Variants in PLEKHA7 observed in about 807,000 individuals in gnomAD.
The protein encoded by PLEKHA7 is pleckstrin homology domain containing A7, also known as pleckstrin homology domain-containing family A member 7.
In PLEKHA7, 104 loss-of-function variants were observed where a neutral mutation model predicts 170.0. That is an observed-to-expected ratio of 0.61 (90% confidence interval 0.52 to 0.72). PLEKHA7 has a LOEUF of 0.72. Among genes scored for constraint, PLEKHA7 ranks in the 30% least tolerant of loss-of-function variants. The pLI, the probability that PLEKHA7 is intolerant of heterozygous loss-of-function variation, is 0.00. For synonymous variants in PLEKHA7, 648 were observed against 660.8 expected (o/e 0.98, Z 0.30); for missense variants, 1,615 against 1,671.7 (o/e 0.97, Z 0.59).
At chr11:16,840,111 G>A (rs182916767) in intron 9 of PLEKHA7, among the ~76,000 whole-genome samples, 5 of 152,286 alleles carry the variant, frequency 3.3e-5, no homozygotes, top group African/African-American at 4.8e-5. Context: ...CAAAATTGAC[G>A]TAGTTACTGA....
chr11:16,838,514 TAAAA>T (rs56823340), intron 9 of PLEKHA7, among the ~76,000 whole-genome samples: 1 of 128,518 alleles, frequency 7.8e-6, no homozygotes, highest in South Asian at 2.5e-4. Context: ...CTCTGTGTCT[TAAAA>T]AAAAAAAAAA....
At position 16,957,689 on chromosome 11, in the gene PLEKHA7, A is replaced by ATATTTTTTTTTTTTTTTTTTTTTTTT. The variant is rs1420004461; in HGVS notation, c.221+56299_221+56300insAAAAAAAAAAAAAAAAAAAAAAAATA. 1.7e-5 allele frequency among the ~76,000 whole-genome samples: 2 copies of ATATTTTTTTTTTTTTTTTTTTTTTTT among 118,226 alleles called. 1 individual carries two copies. Among genetic ancestry groups the ATATTTTTTTTTTTTTTTTTTTTTTTT allele is most frequent in the Non-Finnish European group, 3.5e-5 (2 of 56,582 alleles). 77.6% of individuals were successfully genotyped at this position (118,226 alleles called of 152,430 possible). A position where few individuals can be genotyped will look rare whatever the true frequency, so the allele number is the denominator to read the frequency against. ...ATATTACATGAATTTTACCTCAATA[A>ATATTTTTTTTTTTTTTTTTTTTTTTT]TTTTTTTCTTTTTTTTTTTTTTTTT... On this transcript the variant is annotated intron_variant, in intron 3 of 26. Coordinates refer to ENST00000531066, the MANE Select transcript of PLEKHA7 (RefSeq NM_001329630.2).
intron 8 of PLEKHA7, among the ~76,000 whole-genome samples, chr11:16,850,509 A>C (rs978994653): frequency 6.6e-6 from 1 of 152,210 alleles, no homozygotes; most frequent in Non-Finnish European, 1.5e-5. Context: ...GGAGGCCACC[A>C]ATGGAGAAGA....
At chr11:17,000,501 T>TAA (rs1864601875) in intron 3 of PLEKHA7, among the ~76,000 whole-genome samples, 1 of 152,168 alleles carries the variant, frequency 6.6e-6, no homozygotes, top group Admixed American at 6.5e-5. Flanking sequence ...CCAGCTTCCT[T>TAA]TTAAAGACAA....
intron 3 of PLEKHA7, among the ~76,000 whole-genome samples, chr11:16,981,532 C>G (rs558936472): frequency 1.3e-5 from 2 of 152,258 alleles, no homozygotes; most frequent in Admixed American, 6.5e-5. Flanking sequence ...CTCCAGCCCC[C>G]TACCCTCTCC....
rs1849615886 is a variant in PLEKHA7 at position 16,789,197 on chromosome 11, C to T, written c.3256G>A (p.Ala1086Thr). The T allele has an allele frequency of 1.2e-6, 2 of 1,613,284 alleles. No individual in the cohort carries two copies. The highest frequency in any genetic ancestry group is 1.7e-5 in the Admixed American group (1 of 60,008). ...QLERMKRHQK[A>T]LVRERKRTLG... ...GTCCTCTTGCGCTCTCGGACCAGGG[C>T]CTTCTGGTGTCGCTTCATGCGCTCC... is the stretch of plus-strand genomic sequence containing the variant. The change falls in exon 23 of 27, where the codon GCC becomes ACC. Residue 1086 changes from alanine to threonine, a missense_variant. Transcript: ENST00000531066. This position sits in a 1 kb window ranked among gnomAD's most constrained non-coding sequence, Gnocchi z 4.6.
intron 3 of PLEKHA7, among the ~76,000 whole-genome samples, chr11:16,981,254 C>G (rs1863410024): frequency 6.6e-6 from 1 of 152,182 alleles, no homozygotes; most frequent in African/African-American, 2.4e-5. Context: ...GTATGATTAT[C>G]CTGAGTACTT....
intron 3 of PLEKHA7, among the ~76,000 whole-genome samples, chr11:16,957,857 C>T (rs1012294373): frequency 5.5e-4 from 84 of 151,912 alleles, no homozygotes; most frequent in African/African-American, 2.0e-3. Flanking sequence ...GCATGCACCA[C>T]CACGCCCGGC....
At chr11:16,790,572 A>T in intron 21 of PLEKHA7, 1 of 555,422 alleles carries the variant, frequency 1.8e-6, no homozygotes, top group Non-Finnish European at 3.2e-6. Flanking sequence ...AGTAACTGCT[A>T]TTATCATTGT....
At chr11:16,810,706 C>T (rs138509437) in intron 13 of PLEKHA7, among the ~76,000 whole-genome samples, 26 of 152,336 alleles carry the variant, frequency 1.7e-4, no homozygotes, top group African/African-American at 5.8e-4. Context: ...ACTTGCCTCT[C>T]TCTATCCCAT....
chr11:17,010,123 C>A (rs1313308785), intron 3 of PLEKHA7, among the ~76,000 whole-genome samples: 1 of 152,154 alleles, frequency 6.6e-6, no homozygotes, highest in Non-Finnish European at 1.5e-5. Flanking sequence ...CACAGTGGCT[C>A]ATGCCTGTAA....
chr11:16,915,364 A>T (rs553210636), intron 3 of PLEKHA7, among the ~76,000 whole-genome samples: 1 of 152,076 alleles, frequency 6.6e-6, no homozygotes, highest in East Asian at 1.9e-4. Context: ...TTTTATTTTT[A>T]ATTTATTATT....
intron 3 of PLEKHA7, among the ~76,000 whole-genome samples, chr11:16,953,963 CAG>C (rs1861551604): frequency 6.6e-6 from 1 of 152,048 alleles, no homozygotes; most frequent in South Asian, 2.1e-4. Flanking sequence ...GCTGACTGAA[CAG>C]AAACTTATAT....
At chr11:16,914,866 G>A (rs1858520657) in intron 3 of PLEKHA7, among the ~76,000 whole-genome samples, 2 of 152,142 alleles carry the variant, frequency 1.3e-5, no homozygotes, top group Admixed American at 1.3e-4. Flanking sequence ...GGGACTAAAT[G>A]CTTGTCACTT....
chr11:16,978,786 C>G (rs1214514135), intron 3 of PLEKHA7, among the ~76,000 whole-genome samples: 1 of 152,198 alleles, frequency 6.6e-6, no homozygotes, highest in Non-Finnish European at 1.5e-5. Context: ...GTACTTTTGA[C>G]TACCTCAATA....
rs1238141139 is a variant in PLEKHA7 at position 16,906,282 on chromosome 11, A to AAGGAAG, written c.222-35101_222-35100insCTTCCT. Among the ~76,000 whole-genome samples the AAGGAAG allele has an allele frequency of 1.6e-3, 121 of 73,730 alleles. 1 individual carries two copies. The highest frequency in any genetic ancestry group is 6.7e-3 in the African/African-American group (97 of 14,452). 48.4% of individuals were successfully genotyped at this position (73,730 alleles called of 152,430 possible). A position where few individuals can be genotyped will look rare whatever the true frequency, so the allele number is the denominator to read the frequency against. On this transcript the variant is annotated intron_variant, in intron 3 of 26. Transcript: ENST00000531066. The stretch of plus-strand genomic sequence containing the variant: ...AGGAAGGAAGGAAGGAAGGAAGGAA[A>AAGGAAG]GAAAGAAAATTGGAAAGGCTCCTCC...
In PLEKHA7 at chr11:16,789,844, C is replaced by T. The variant is rs561905616; in HGVS notation, c.3087G>A (p.Ser1029=). The T allele has an allele frequency of 1.1e-5, 18 of 1,614,090 alleles. No individual in the cohort carries two copies. The highest frequency in any genetic ancestry group is 9.3e-5 in the African/African-American group (7 of 75,024). Residue 1029 remains serine, a synonymous_variant, in exon 22 of 27, where the codon TCG becomes TCA. Transcript: ENST00000531066. The surrounding 1 kb of genome is among the most constrained non-coding windows in gnomAD (Gnocchi z 4.6). The part of the protein sequence containing the change: ...LSGSTSRLQQ[S]STIAPYVTLR... ...GTGTGACGTAGGGAGCAATGGTGGA[C>T]GACTGCTGGAGCCTTGACGTGGACC...
intron 3 of PLEKHA7, among the ~76,000 whole-genome samples, chr11:16,955,385 A>AT (rs1419174499): frequency 1.3e-5 from 2 of 152,202 alleles, no homozygotes; most frequent in African/African-American, 2.4e-5. Context: ...TTCTATACAA[A>AT]TACTCATGAA....
At chr11:16,840,989 G>A (rs1851907973) in intron 9 of PLEKHA7, among the ~76,000 whole-genome samples, 1 of 152,106 alleles carries the variant, frequency 6.6e-6, no homozygotes, top group South Asian at 2.1e-4. Flanking sequence ...GAAAGAATGG[G>A]CCCAATGTGA....
Sources: allele counts gnomAD v4.1 joint callset (sites outside exome capture counted in the v4.1 genomes callset), GRCh38; gene constraint gnomAD v4.1.1; non-coding constraint Gnocchi (gnomAD v3.1); transcripts MANE v1.5; gene names NCBI Gene and HGNC (gene_info 2026-07-23, HGNC 2026-07-21).